The following MPP7 variants were observed in gnomAD, a reference collection of about 807,000 sequenced individuals.
MPP7 encodes MAGUK p55 subfamily member 7.
A neutral mutation model predicts 76.5 loss-of-function variants in MPP7; 60 were observed. That is an observed-to-expected ratio of 0.78 (90% CI 0.64 to 0.97). MPP7 has a LOEUF of 0.97. Among genes scored for constraint, MPP7 ranks in the 50% least tolerant of loss-of-function variants. MPP7 has a pLI of 0.00. For synonymous variants in MPP7, 237 were observed against 244.5 expected (o/e 0.97, Z 0.29); for missense variants, 641 against 694.0 (o/e 0.92, Z 0.86).
chr10:28,194,698 A>G (rs936363142), intron 3 of MPP7, among the ~76,000 whole-genome samples: 1 of 152,222 alleles, frequency 6.6e-6, no homozygotes, highest in Non-Finnish European at 1.5e-5. Context: ...CAGTAAAACT[A>G]TCAGTGATTG....
chr10:28,191,034 T>C (rs559591014), intron 3 of MPP7, among the ~76,000 whole-genome samples: 50 of 152,248 alleles, frequency 3.3e-4, no homozygotes, highest in African/African-American at 8.9e-4. Context: ...ATAAGTTAGA[T>C]GATATACACC....
At chr10:28,119,747 T>C in intron 10 of MPP7, 32 bp from the exon 11 acceptor site, 1 of 1,566,378 alleles carries the variant, frequency 6.4e-7, no homozygotes, top group South Asian at 1.1e-5. Context: ...TACCTATCAA[T>C]TTTCAGCACA....
intron 6 of MPP7, among the ~76,000 whole-genome samples, chr10:28,125,425 T>C (rs1277961274): frequency 2.0e-5 from 3 of 152,186 alleles, no homozygotes; most frequent in African/African-American, 7.2e-5. Flanking sequence ...GTTTTTATCC[T>C]TTTAAAGCAA....
chr10:28,252,917 T>G (rs543980516), intron 1 of MPP7, among the ~76,000 whole-genome samples: 26 of 151,350 alleles, frequency 1.7e-4, no homozygotes, highest in South Asian at 6.3e-4. Context: ...TCTTTTTTTT[T>G]GGGAGGGGGG....
intron 3 of MPP7, among the ~76,000 whole-genome samples, chr10:28,187,795 G>A (rs1837285709): frequency 1.3e-5 from 2 of 152,090 alleles, no homozygotes; most frequent in South Asian, 4.1e-4. Flanking sequence ...AAAAGTGCTT[G>A]AACCAAAAAG....
At position 28,120,251 on chromosome 10, in the gene MPP7, T is replaced by C; in HGVS notation, c.830A>G (p.His277Arg). The C allele has an allele frequency of 6.2e-7, 1 of 1,614,050 alleles. No homozygotes were observed. The highest frequency in any genetic ancestry group is 8.5e-7 in the Non-Finnish European group (1 of 1,179,942). ...TGCCCTGGGGTTGGCATCAGCTTCGTGTTTCGCTTGCCACCAAGTTGCATC... is the reference window on the plus strand; with the variant it reads ...TGCCCTGGGGTTGGCATCAGCTTCGCGTTTCGCTTGCCACCAAGTTGCATC... ...QDDATWWQAK[H>R]EADANPRAGL... The change falls in exon 10 of 17, where the codon CAC (histidine) becomes CGC (arginine). Residue 277 changes from histidine (H) to arginine (R), a missense_variant. Coordinates refer to ENST00000683449, the MANE Select transcript of MPP7 (RefSeq NM_001318170.2).
intron 2 of MPP7, among the ~76,000 whole-genome samples, chr10:28,321,043 A>C (rs1320777430): frequency 6.6e-6 from 1 of 152,086 alleles, no homozygotes; most frequent in Non-Finnish European, 1.5e-5. Context: ...CACCGGGGAG[A>C]TAGGCAGTTC....
intron 2 of MPP7, among the ~76,000 whole-genome samples, chr10:28,215,400 G>A (rs7078271): frequency 0.09 from 13,649 of 152,060 alleles, 704 homozygotes; most frequent in Non-Finnish European, 0.12. Flanking sequence ...GCCAGATATC[G>A]ATAATCATGA....
intron 11 of MPP7, among the ~76,000 whole-genome samples, chr10:28,098,923 G>T (rs867947859): frequency 2.6e-5 from 4 of 152,178 alleles, no homozygotes; most frequent in South Asian, 2.1e-4. Context: ...ATGAAAAAAA[G>T]AAGTACTTAC....
chr10:28,224,823 C>T (rs1291052896), intron 2 of MPP7, among the ~76,000 whole-genome samples: 3 of 151,766 alleles, frequency 2.0e-5, no homozygotes, highest in Non-Finnish European at 4.4e-5. Context: ...AAATAAACGA[C>T]CAAAACATGA....
intron 5 of MPP7, among the ~76,000 whole-genome samples, chr10:28,141,694 A>G (rs1451921973): frequency 1.3e-5 from 2 of 152,162 alleles, no homozygotes; most frequent in Admixed American, 6.5e-5. Context: ...CCAGGGTTAT[A>G]TAAGGAACAA....
rs908121840 is a variant in MPP7 at position 28,199,000 on chromosome 10, G to T, written c.156+3153C>A. 2.2e-4 allele frequency among the ~76,000 whole-genome samples: 34 copies of T among 152,104 alleles called. 1 individual carries two copies. The highest frequency in any genetic ancestry group is 2.9e-5 in the Non-Finnish European group (2 of 68,034). Reference sequence around the variant, plus strand: ...TTTATAAAGAAAAAGAGATTTAATGGACTCACAGTTCCATGCGGCTGGGGA... The same window carrying T: ...TTTATAAAGAAAAAGAGATTTAATGTACTCACAGTTCCATGCGGCTGGGGA... On this transcript the variant is annotated intron_variant, in intron 3 of 16. Coordinates refer to ENST00000683449, the MANE Select transcript of MPP7 (RefSeq NM_001318170.2).
intron 1 of MPP7, among the ~76,000 whole-genome samples, chr10:28,284,976 C>T (rs969731254): frequency 6.6e-6 from 1 of 152,116 alleles, no homozygotes; most frequent in Non-Finnish European, 1.5e-5. Context: ...CAGAATAGAA[C>T]AAAATGACTT....
intron 2 of MPP7, among the ~76,000 whole-genome samples, chr10:28,208,259 G>A (rs537777245): frequency 2.6e-5 from 4 of 152,270 alleles, no homozygotes; most frequent in African/African-American, 9.6e-5. Flanking sequence ...GATGCAAGTG[G>A]ACAAGAAACT....
intron 5 of MPP7, among the ~76,000 whole-genome samples, chr10:28,137,630 TTGTTGGATA>T (rs1835389974): frequency 6.6e-6 from 1 of 152,240 alleles, no homozygotes; most frequent in Non-Finnish European, 1.5e-5. Flanking sequence ...TTTACAAATA[TTGTTGGATA>T]GCAACATTTT....
At chr10:28,249,231 A>G (rs1839534103) in intron 1 of MPP7, among the ~76,000 whole-genome samples, 1 of 143,694 alleles carries the variant, frequency 7.0e-6, no homozygotes, top group African/African-American at 2.5e-5. Flanking sequence ...CATTGATCAC[A>G]ACCTAAAAAT....
intron 3 of MPP7, among the ~76,000 whole-genome samples, chr10:28,187,314 G>A (rs1213952115): frequency 6.6e-6 from 1 of 152,158 alleles, no homozygotes; most frequent in Non-Finnish European, 1.5e-5. Context: ...AATTTACTCA[G>A]GGTCTCAGGA....
At chr10:28,320,734 G>T (rs1224008614) in intron 2 of MPP7, among the ~76,000 whole-genome samples, 1 of 151,832 alleles carries the variant, frequency 6.6e-6, no homozygotes, top group African/African-American at 2.4e-5. Context: ...TCAGTTGTCA[G>T]TTTTCACTAA....
At chr10:28,246,872 C>T (rs1255882028) in intron 1 of MPP7, among the ~76,000 whole-genome samples, 3 of 152,110 alleles carry the variant, frequency 2.0e-5, no homozygotes, top group Non-Finnish European at 4.4e-5. Flanking sequence ...TCATATCATA[C>T]ATCTTCTCCT....
Sources: allele counts gnomAD v4.1 joint callset (sites outside exome capture counted in the v4.1 genomes callset), GRCh38; gene constraint gnomAD v4.1.1; transcripts MANE v1.5; gene names NCBI Gene and HGNC (gene_info 2026-07-23, HGNC 2026-07-21).